Variants in CC2D2A observed in about 807,000 individuals in gnomAD.
CC2D2A encodes the protein coiled-coil and C2 domain containing 2A.
A neutral mutation model predicts 212.9 loss-of-function variants in CC2D2A; 155 were observed. The observed-to-expected ratio is 0.73, with a 90% CI of 0.64 to 0.83. The LOEUF is 0.83. Ranked by LOEUF, CC2D2A falls within the 40% of genes least tolerant of loss-of-function variation. The pLI is 0.00. For synonymous variants in CC2D2A, 667 were observed against 686.5 expected (o/e 0.97, Z 0.44); for missense variants, 1,856 against 1,956.2 (o/e 0.95, Z 0.97).
At chr4:15,504,766 C>G (rs1252693830) in intron 6 of CC2D2A, among the ~76,000 whole-genome samples, 1 of 152,172 alleles carries the variant, frequency 6.6e-6, no homozygotes, top group Non-Finnish European at 1.5e-5. Flanking sequence ...AGGCAAACAT[C>G]AACTGCTTTG....
chr4:15,567,529 TAAGA>T, intron 25 of CC2D2A, 47 bp downstream of exon 25: 1 of 1,517,190 alleles, frequency 6.6e-7, no homozygotes, highest in Non-Finnish European at 9.0e-7. Flanking sequence ...CTTAAGTTTT[TAAGA>T]AATGACTGTA....
chr4:15,527,751 C>A, intron 12 of CC2D2A, 95 bp downstream of exon 12: 1 of 876,336 alleles, frequency 1.1e-6, no homozygotes, highest in Non-Finnish European at 1.8e-6. Context: ...TGTTCATGCC[C>A]CTCTTTCACA....
chr4:15,488,365 T>C (rs1715118906), intron 4 of CC2D2A, among the ~76,000 whole-genome samples: 1 of 152,228 alleles, frequency 6.6e-6, no homozygotes, highest in Admixed American at 6.5e-5. Flanking sequence ...GTTTCTTTGT[T>C]TTCTTCAGCA....
chr4:15,567,735 C>A lies in CC2D2A; in HGVS notation c.3347C>A (p.Thr1116Lys). The A allele has an allele frequency of 6.2e-7, 1 of 1,604,842 alleles. No individual in the cohort carries two copies. The highest frequency in any genetic ancestry group is 8.5e-7 in the Non-Finnish European group (1 of 1,177,582). ...CAACGAACAGTTTGCCATACGACTA[C>A]GGCTGAAGGACCAAACCCTAGCTGG... ...SFQRTVCHTT[T>K]AEGPNPSWNE... The change falls in exon 26 of 37, where the codon ACG (threonine) becomes AAG (lysine). Residue 1116 changes from threonine to lysine, a missense_variant. This residue lies in a region of CC2D2A where 1,512 missense variants were observed against 1,579.3 expected (regional missense o/e 0.96). Transcript: ENST00000424120.
chr4:15,585,957 G>A (rs1300026171), intron 30 of CC2D2A, among the ~76,000 whole-genome samples, 200 bp from the exon 31 acceptor site: 1 of 152,170 alleles, frequency 6.6e-6, no homozygotes, highest in African/African-American at 2.4e-5. Flanking sequence ...TTCTTCATCT[G>A]TAAAGAATGG....
chr4:15,558,062 T>G (rs1483976881), intron 21 of CC2D2A, among the ~76,000 whole-genome samples: 1 of 152,070 alleles, frequency 6.6e-6, no homozygotes, highest in Admixed American at 6.6e-5. Flanking sequence ...AGATCGCACC[T>G]CCAGGTGTGG....
chr4:15,556,784 T>G (rs370673067), intron 20 of CC2D2A, among the ~76,000 whole-genome samples: 1 of 152,204 alleles, frequency 6.6e-6, no homozygotes, highest in African/African-American at 2.4e-5. Context: ...GGAGGCTGGC[T>G]GGGCTGGATC....
At chr4:15,577,449 T>C (rs1577390705) in intron 29 of CC2D2A, among the ~76,000 whole-genome samples, 3 of 152,330 alleles carry the variant, frequency 2.0e-5, no homozygotes, top group Admixed American at 2.0e-4. Context: ...TCATCATAAG[T>C]GACCCAAATT....
intron 26 of CC2D2A, among the ~76,000 whole-genome samples, chr4:15,568,020 TC>T (rs1719975260): frequency 6.6e-6 from 1 of 152,182 alleles, no homozygotes; most frequent in African/African-American, 2.4e-5. Flanking sequence ...TGTTGGGACA[TC>T]CTATGCTCCT....
intron 12 of CC2D2A, 78 bp from the exon 13 acceptor site, chr4:15,528,542 G>A: frequency 8.5e-7 from 1 of 1,173,744 alleles, no homozygotes; most frequent in South Asian, 1.2e-5. Context: ...TTTTGCCCAG[G>A]AGAAGTGGGT....
rs1486885138 is a variant in CC2D2A, at chr4:15,586,240, A to G, written c.4059A>G (p.Thr1353=). 1 of 1,590,140 alleles carries G rather than the reference A, an allele frequency of 6.3e-7. No individual in the cohort carries two copies. Among genetic ancestry groups the G allele is most frequent in the South Asian group, 1.2e-5 (1 of 86,718 alleles). ...GTGGTATCTGTGACCTCTGGAGCACATCTGATGTAAGTAGTTCTTCTTCAC... is the reference window on the plus strand; with the variant it reads ...GTGGTATCTGTGACCTCTGGAGCACGTCTGATGTAAGTAGTTCTTCTTCAC... The part of the protein sequence containing the change: ...SFGGICDLWS[T]SDQFLDLLAG... The change falls in exon 31 of 37, where the codon ACA becomes ACG. Residue 1353 remains threonine, a synonymous_variant. Coordinates refer to ENST00000424120, the MANE Select transcript of CC2D2A (RefSeq NM_001378615.1).
intron 7 of CC2D2A, among the ~76,000 whole-genome samples, chr4:15,510,515 G>C (rs1411245798): frequency 2.0e-5 from 3 of 152,192 alleles, no homozygotes; most frequent in Non-Finnish European, 2.9e-5. Flanking sequence ...AGGATCACTT[G>C]AGCCCATGAG....
chr4:15,589,679 T>C lies in CC2D2A; in HGVS notation c.4314T>C (p.Asn1438=), dbSNP rs1721005587. Residue 1438 remains asparagine, a splice_region_variant and synonymous_variant, in exon 33 of 37, where the codon AAT becomes AAC. Coordinates refer to ENST00000424120, the MANE Select transcript of CC2D2A (RefSeq NM_001378615.1). The part of the protein sequence containing the change: ...KNVGCLIGPD[N]IWFNIQRYES... ...TGGGCTGTTTAATAGGTCCTGACAA[T>C]GTAAGTATTAACATTTCTTCTTAAA... is the stretch of plus-strand genomic sequence containing the variant. 9 of 1,533,832 alleles carry C rather than the reference T, an allele frequency of 5.9e-6. No homozygotes were observed. Among genetic ancestry groups the C allele is most frequent in the Non-Finnish European group, 7.0e-6 (8 of 1,135,872 alleles).
chr4:15,533,536 T>C, intron 14 of CC2D2A: 1 of 398,740 alleles, frequency 2.5e-6, no homozygotes, highest in Non-Finnish European at 4.5e-6. Flanking sequence ...TACCTAGACT[T>C]TTGTGATCAT....
rs145094749 is a variant in CC2D2A at position 15,491,099 on chromosome 4, G to A, written c.247+10272G>A. ...TTGGTGTCTAAGGGGTTTTGTCTGC[G>A]GCTTGTCCTGCTACAATAGAATCTC... On this transcript the variant is annotated intron_variant, in intron 4 of 36. Transcript: ENST00000424120. Among the ~76,000 whole-genome samples the A allele has an allele frequency of 4.0e-4, 61 of 152,184 alleles. No individual in the cohort carries two copies. The East Asian group carries it at 9.7e-3, about 24-fold the overall frequency.
intron 32 of CC2D2A, among the ~76,000 whole-genome samples, chr4:15,588,325 T>G (rs1054456807): frequency 2.0e-5 from 3 of 152,178 alleles, no homozygotes; most frequent in African/African-American, 7.2e-5. Context: ...ATCTCTCCTT[T>G]CATGCCTACT....
At chr4:15,563,695 C>T (rs1577379766) in intron 24 of CC2D2A, 173 bp downstream of exon 24, 1 of 630,156 alleles carries the variant, frequency 1.6e-6, no homozygotes, top group African/African-American at 1.8e-5. Flanking sequence ...CCAATTCCAT[C>T]AATTCAGGCT....
Position 15,592,307 on chromosome 4 carries a change from C to T in CC2D2A, c.4314+2628C>T, listed in dbSNP as rs528056633. Among the ~76,000 whole-genome samples the T allele has an allele frequency of 1.2e-4, 18 of 152,278 alleles. No individual in the cohort carries two copies. The South Asian group carries it at 2.1e-3, about 18-fold the overall frequency. ...ACCTAAAACTACATTGCCTTTCTTC[C>T]CTTTCCTCCCCAAGTTCTTCAAATA... On this transcript the variant is annotated intron_variant, in intron 33 of 36. Transcript: ENST00000424120.
Position 15,570,410 on chromosome 4 carries a change from A to G in CC2D2A, c.3508A>G (p.Arg1170Gly), listed in dbSNP as rs776127790. The change falls in exon 28 of 37, where the codon AGA (arginine) becomes GGA (glycine). Residue 1170 changes from arginine to glycine, a missense_variant. Arg to Gly is a moderately radical substitution (Grantham distance 125). Transcript: ENST00000424120. ...LHDVLEDDRE[R>G]GSGIHTRIER... is the part of the protein sequence containing the mutation. ...ACCCTTCCTTTAGGATGACCGTGAA[A>G]GAGGAAGTGGAATCCATACTCGTAT... 18 of 1,599,138 alleles carry G rather than the reference A, an allele frequency of 1.1e-5. No individual in the cohort carries two copies. Among genetic ancestry groups the G allele is most frequent in the Non-Finnish European group, 1.5e-5 (18 of 1,169,870 alleles).
Sources: gnomAD v4.1 joint callset for allele counts (sites outside exome capture counted in the v4.1 genomes callset) on GRCh38, gnomAD v4.1.1 for gene constraint, gnomAD v4.1.1 regional missense constraint, MANE v1.5 for transcripts, NCBI Gene and HGNC (gene_info 2026-07-23, HGNC 2026-07-21) for gene names.